Variants in RPS6KC1 observed in about 807,000 individuals in gnomAD.
RPS6KC1 encodes ribosomal protein S6 kinase C1, also known as inactive ribosomal protein S6 kinase delta-1.
RPS6KC1 carries 54 observed loss-of-function variants against 103.8 expected under a neutral mutation model. The ratio of observed to expected loss-of-function variants is 0.52; its 90% confidence interval spans 0.42 to 0.65. The LOEUF is 0.65. RPS6KC1 is among the 30% of genes least tolerant of loss of function. The pLI is 0.00. For missense variants in RPS6KC1, 1,151 were observed against 1,253.8 expected (o/e 0.92, Z 1.24); for synonymous variants, 439 against 438.7 (o/e 1.00, Z -0.01).
chr1:213,330,433 A>T, the RPS6KC1 span, among the ~76,000 whole-genome samples: 1 of 152,188 alleles, frequency 6.6e-6, no homozygotes, highest in Non-Finnish European at 1.5e-5. Flanking sequence ...CAGTGCTGAG[A>T]CAGGTGACTG....
chr1:213,508,644 C>T, the RPS6KC1 span, among the ~76,000 whole-genome samples: 1 of 151,972 alleles, frequency 6.6e-6, no homozygotes, highest in Admixed American at 6.6e-5. Context: ...TCCTTTTTTT[C>T]TTAAGCCTCA....
the RPS6KC1 span, among the ~76,000 whole-genome samples, chr1:213,291,654 A>G: frequency 1.2e-3 from 190 of 152,364 alleles, 1 homozygote; most frequent in East Asian, 0.033. Flanking sequence ...TGTTTGCAGC[A>G]CTGCATAAGG....
chr1:213,091,082 G>A (rs1402122445), intron 3 of RPS6KC1, among the ~76,000 whole-genome samples: 1 of 151,934 alleles, frequency 6.6e-6, no homozygotes, highest in African/African-American at 2.4e-5. Flanking sequence ...TTTTGAGACG[G>A]AGTCTCGCTC....
chr1:213,081,260 G>T (rs1434211263), intron 3 of RPS6KC1, among the ~76,000 whole-genome samples: 1 of 152,170 alleles, frequency 6.6e-6, no homozygotes, highest in Non-Finnish European at 1.5e-5. Flanking sequence ...GATGCATGGG[G>T]CCTCCATCTG....
chr1:213,595,960 T>TC, the RPS6KC1 span, among the ~76,000 whole-genome samples: 9 of 152,034 alleles, frequency 5.9e-5, no homozygotes, highest in South Asian at 1.2e-3. Flanking sequence ...ATTTTTTTTT[T>TC]GCTGTTGTGT....
the RPS6KC1 span, among the ~76,000 whole-genome samples, chr1:213,754,846 C>T: frequency 2.0e-5 from 3 of 152,210 alleles, no homozygotes; most frequent in African/African-American, 7.2e-5. Flanking sequence ...GGAACACAAA[C>T]ATTCAATCCA....
At chr1:213,099,984 A>C (rs1382568905) in intron 3 of RPS6KC1, among the ~76,000 whole-genome samples, 3 of 152,216 alleles carry the variant, frequency 2.0e-5, no homozygotes, top group African/African-American at 7.2e-5. Context: ...AATACCTAGG[A>C]ATATAATTTC....
chr1:213,547,868 A>G, the RPS6KC1 span, among the ~76,000 whole-genome samples: 1 of 152,192 alleles, frequency 6.6e-6, no homozygotes, highest in Admixed American at 6.5e-5. Flanking sequence ...TGAGCCAAAC[A>G]AATCTCATTT....
At chr1:213,588,870 C>A in the RPS6KC1 span, among the ~76,000 whole-genome samples, 1 of 152,186 alleles carries the variant, frequency 6.6e-6, no homozygotes, top group Non-Finnish European at 1.5e-5. Context: ...ACTGGAATGA[C>A]ACACGTGAAC....
At chr1:213,416,769 C>T in the RPS6KC1 span, among the ~76,000 whole-genome samples, 7 of 152,266 alleles carry the variant, frequency 4.6e-5, no homozygotes, top group African/African-American at 1.7e-4. Flanking sequence ...CTGGCCAGCT[C>T]CAGAGACCCT....
the RPS6KC1 span, among the ~76,000 whole-genome samples, chr1:213,764,960 G>A: frequency 1.3e-5 from 2 of 152,126 alleles, no homozygotes; most frequent in Non-Finnish European, 2.9e-5. Flanking sequence ...GGGCAGGGGT[G>A]GGGTGTCTCT....
At chr1:213,228,617 T>A (rs1426178096) in intron 8 of RPS6KC1, among the ~76,000 whole-genome samples, 1 of 151,852 alleles carries the variant, frequency 6.6e-6, no homozygotes, top group Non-Finnish European at 1.5e-5. Flanking sequence ...ACCAGCTACT[T>A]GGGAGGCTGA....
At chr1:213,658,066 G>A in the RPS6KC1 span, among the ~76,000 whole-genome samples, 1 of 152,200 alleles carries the variant, frequency 6.6e-6, no homozygotes, top group African/African-American at 2.4e-5. Flanking sequence ...TCCACCTGTA[G>A]GGAGGAAATG....
the RPS6KC1 span, among the ~76,000 whole-genome samples, chr1:213,358,793 C>A: frequency 6.6e-6 from 1 of 152,172 alleles, no homozygotes; most frequent in Non-Finnish European, 1.5e-5. Flanking sequence ...ATCTTTATTT[C>A]TGCCTTCATT....
chr1:213,483,397 A>G, the RPS6KC1 span, among the ~76,000 whole-genome samples: 1 of 152,200 alleles, frequency 6.6e-6, no homozygotes, highest in Non-Finnish European at 1.5e-5. Flanking sequence ...GATATAACAC[A>G]ATTTGTTTAT....
chr1:213,247,986 C>T (rs1217149903), intron 12 of RPS6KC1, among the ~76,000 whole-genome samples: 1 of 152,066 alleles, frequency 6.6e-6, no homozygotes, highest in African/African-American at 2.4e-5. Flanking sequence ...GAAGCCAAAA[C>T]AACTTTTGTT....
chr1:213,794,106 A>G, the RPS6KC1 span, among the ~76,000 whole-genome samples: 1 of 152,194 alleles, frequency 6.6e-6, no homozygotes, highest in African/African-American at 2.4e-5. Context: ...TGGATCTTCT[A>G]ATGTTTGGAA....
At chr1:213,285,155 T>C in the RPS6KC1 span, among the ~76,000 whole-genome samples, 25 of 152,342 alleles carry the variant, frequency 1.6e-4, 1 homozygote, top group East Asian at 1.2e-3. Flanking sequence ...ATGGTTGGGT[T>C]CTGGTGAGGG....
At chr1:213,425,131 C>T in the RPS6KC1 span, among the ~76,000 whole-genome samples, 1 of 152,182 alleles carries the variant, frequency 6.6e-6, no homozygotes, top group East Asian at 1.9e-4. Flanking sequence ...CACAATCTCT[C>T]AGTTACATTA....
Sources: allele counts gnomAD v4.1 joint callset (sites outside exome capture counted in the v4.1 genomes callset), GRCh38; gene constraint gnomAD v4.1.1; transcripts MANE v1.5; gene names NCBI Gene and HGNC (gene_info 2026-07-23, HGNC 2026-07-21).